Variants in ASRGL1 observed in about 807,000 individuals in gnomAD.
ASRGL1 encodes the protein asparaginase and isoaspartyl peptidase 1.
Under a neutral mutation model 22.4 loss-of-function variants are expected in ASRGL1, and 16 were observed. That is an observed-to-expected ratio of 0.71 (90% confidence interval 0.48 to 1.08). The LOEUF (loss-of-function observed/expected upper bound fraction) is 1.08. Among genes scored for constraint, ASRGL1 ranks in the 50% least tolerant of loss-of-function variants. The pLI, the probability that ASRGL1 is intolerant of heterozygous loss-of-function variation, is 0.00. For missense variants in ASRGL1, 412 were observed against 410.1 expected (o/e 1.00, Z -0.04); for synonymous variants, 165 against 159.3 (o/e 1.04, Z -0.27).
intron 4 of ASRGL1, among the ~76,000 whole-genome samples, chr11:62,366,966 A>T (rs370050002): frequency 3.2e-4 from 49 of 152,314 alleles, no homozygotes; most frequent in African/African-American, 9.4e-4. Flanking sequence ...GCAGCTTGGG[A>T]GGCTGAGGCG....
intron 4 of ASRGL1, among the ~76,000 whole-genome samples, chr11:62,361,209 T>C (rs1590724935): frequency 1.3e-5 from 2 of 151,142 alleles, no homozygotes; most frequent in East Asian, 3.9e-4. Context: ...TTTGTTTTTT[T>C]GAGACAAGGT....
At chr11:62,380,369 G>A (rs939473022) in intron 4 of ASRGL1, among the ~76,000 whole-genome samples, 2 of 152,096 alleles carry the variant, frequency 1.3e-5, no homozygotes, top group African/African-American at 2.4e-5. Flanking sequence ...GCTTTTTAGA[G>A]CCTTGTCTTA....
At chr11:62,377,827 G>C (rs1223439222) in intron 4 of ASRGL1, among the ~76,000 whole-genome samples, 1 of 152,190 alleles carries the variant, frequency 6.6e-6, no homozygotes, top group Admixed American at 6.5e-5. Flanking sequence ...CAATGTAAAA[G>C]TCTTAATTGT....
chr11:62,338,707 G>C (rs559613409), intron 2 of ASRGL1, among the ~76,000 whole-genome samples: 3 of 151,904 alleles, frequency 2.0e-5, no homozygotes, highest in Admixed American at 6.6e-5. Flanking sequence ...AGGCCAAGGC[G>C]GGTGGATCAC....
chr11:62,338,285 T>TA (rs1945777403), intron 2 of ASRGL1, 118 bp downstream of exon 2: 1 of 1,059,680 alleles, frequency 9.4e-7, no homozygotes, highest in East Asian at 3.0e-5. Flanking sequence ...ACTAAGTATG[T>TA]AAAAAAGAAA....
chr11:62,356,510 G>T (rs1390375541), intron 3 of ASRGL1, 43 bp downstream of exon 3: 2 of 1,600,780 alleles, frequency 1.2e-6, no homozygotes, highest in South Asian at 2.2e-5. Context: ...AATTGTTATT[G>T]TTATACTGCA....
At chr11:62,382,957 G>T (rs1160015248) in intron 4 of ASRGL1, 1 of 152,286 alleles carries the variant, frequency 6.6e-6, no homozygotes, top group Non-Finnish European at 1.5e-5. Flanking sequence ...GCGACACAGG[G>T]TTGGGGTAGG....
chr11:62,358,102 C>T (rs1286732731), intron 4 of ASRGL1, among the ~76,000 whole-genome samples: 1 of 152,214 alleles, frequency 6.6e-6, no homozygotes, highest in African/African-American at 2.4e-5. Flanking sequence ...GGTGCGGTGG[C>T]TCACACCTGT....
chr11:62,356,455 T>G lies in ASRGL1; in HGVS notation c.321T>G (p.Leu107=). 1 of 1,614,188 alleles carries G rather than the reference T, an allele frequency of 6.2e-7. No homozygotes were observed. Among genetic ancestry groups the G allele is most frequent in the Non-Finnish European group, 8.5e-7 (1 of 1,180,024 alleles). ...CAAATCCCATTAAACTTGCTCGGCT[T>G]GTCATGGAAAAGGTATATGTGACTA... is the stretch of plus-strand genomic sequence containing the variant. ...CIANPIKLAR[L]VMEKTPHCFL... Residue 107 remains leucine, a synonymous_variant, in exon 3 of 7, where the codon CTT becomes CTG. Transcript: ENST00000415229.
downstream of ASRGL1, among the ~76,000 whole-genome samples, chr11:62,394,346 TTA>T (rs1565179024): frequency 7.1e-6 from 1 of 141,432 alleles, no homozygotes; most frequent in African/African-American, 2.6e-5. Flanking sequence ...ATAATATATA[TTA>T]TATATAATAT....
chr11:62,378,642 G>T (rs961847818), intron 4 of ASRGL1, among the ~76,000 whole-genome samples: 1 of 152,158 alleles, frequency 6.6e-6, no homozygotes, highest in African/African-American at 2.4e-5. Flanking sequence ...GTTGAATTAC[G>T]GCATTTACGG....
chr11:62,368,422 A>G (rs1158579018), intron 4 of ASRGL1, among the ~76,000 whole-genome samples: 1 of 152,138 alleles, frequency 6.6e-6, no homozygotes, highest in South Asian at 2.1e-4. Flanking sequence ...ATGGACAGAT[A>G]CACAGGTGTA....
chr11:62,372,063 G>A lies in ASRGL1; in HGVS notation c.491+14919G>A. On this transcript the variant is annotated intron_variant, in intron 4 of 6. Transcript: ENST00000415229. ...GGGTGCCTGGCGGGGGTCCGGGTGCGGACAGTGGTCTCTGGCTCCTGTGCT... is the reference window on the plus strand; with the variant it reads ...GGGTGCCTGGCGGGGGTCCGGGTGCAGACAGTGGTCTCTGGCTCCTGTGCT... 5 of 756,890 alleles carry A rather than the reference G, an allele frequency of 6.6e-6. 1 individual carries two copies. The highest frequency in any genetic ancestry group is 5.7e-5 in the South Asian group (4 of 70,720). The allele number at this position is 756,890 out of a possible 1,614,324, so 46.9% of individuals were successfully genotyped here.
chr11:62,371,250 C>G lies in ASRGL1; in HGVS notation c.491+14106C>G, dbSNP rs774323420. ...CCCGCAGCCGGAAGCGCGAGCCTCC[C>G]GAGCGCTGCAGTAGCAGCAGTGGTG... On this transcript the variant is annotated intron_variant, in intron 4 of 6. Transcript: ENST00000415229. 7 of 1,313,926 alleles carry G rather than the reference C, an allele frequency of 5.3e-6. No individual in the cohort carries two copies. In the South Asian group the frequency reaches 6.2e-5, roughly 12 times the overall value. 81.4% of individuals were successfully genotyped at this position (1,313,926 alleles called of 1,614,324 possible).
chr11:62,355,427 T>C (rs1230685709), intron 2 of ASRGL1, among the ~76,000 whole-genome samples: 1 of 149,016 alleles, frequency 6.7e-6, no homozygotes, highest in East Asian at 2.0e-4. Context: ...GGGTTTCACA[T>C]GTTAGCCAGG....
chr11:62,355,064 C>T (rs1352153868), intron 2 of ASRGL1, among the ~76,000 whole-genome samples: 1 of 151,322 alleles, frequency 6.6e-6, no homozygotes, highest in Admixed American at 6.6e-5. Flanking sequence ...ATTACAGGCA[C>T]GCACCACCAC....
chr11:62,384,343 G>A (rs564768091), intron 4 of ASRGL1, among the ~76,000 whole-genome samples: 7 of 152,024 alleles, frequency 4.6e-5, no homozygotes, highest in South Asian at 2.1e-4. Context: ...TCTCTACTAA[G>A]AATACAGAAA....
chr11:62,397,533 G>A (rs376735406), downstream of ASRGL1, among the ~76,000 whole-genome samples: 5 of 152,066 alleles, frequency 3.3e-5, no homozygotes, highest in South Asian at 8.3e-4. Flanking sequence ...GCATGGTGAT[G>A]CATGCCTGTA....
intron 5 of ASRGL1, among the ~76,000 whole-genome samples, chr11:62,390,858 C>A (rs931435170): frequency 6.6e-6 from 1 of 152,160 alleles, no homozygotes; most frequent in Non-Finnish European, 1.5e-5. Flanking sequence ...AAAGGCGAAT[C>A]CTTCCAAGGC....
Sources: allele counts gnomAD v4.1 joint callset (sites outside exome capture counted in the v4.1 genomes callset), GRCh38; gene constraint gnomAD v4.1.1; transcripts MANE v1.5; gene names NCBI Gene and HGNC (gene_info 2026-07-23, HGNC 2026-07-21).